RASGRF2: variants seen among roughly 807,000 people sequenced by gnomAD.
RASGRF2 encodes the protein Ras protein specific guanine nucleotide releasing factor 2.
Under a neutral mutation model 151.0 loss-of-function variants are expected in RASGRF2, and 76 were observed. The observed-to-expected ratio is 0.50, with a 90% CI of 0.42 to 0.61. RASGRF2 has a LOEUF of 0.61. RASGRF2 is among the 20% of genes least tolerant of loss of function. RASGRF2 has a pLI of 0.00. For synonymous variants in RASGRF2, 504 were observed against 566.5 expected, an observed-to-expected ratio of 0.89 and a Z score of 1.57; for missense variants, 1,148 against 1,564.6, an observed-to-expected ratio of 0.73 and a Z score of 4.49.
Position 81,217,339 on chromosome 5 carries a change from G to C in RASGRF2, c.3435-17G>C, listed in dbSNP as rs773664357. Reference sequence around the variant, plus strand: ...TTATTCAAATGAGTCTCAGAACAGTGCCTCTTGGTCTTGCAGTTGTAACCC... The same window carrying C: ...TTATTCAAATGAGTCTCAGAACAGTCCCTCTTGGTCTTGCAGTTGTAACCC... On this transcript the variant is annotated splice_polypyrimidine_tract_variant and intron_variant, in intron 24 of 26. Coordinates refer to ENST00000265080, the MANE Select transcript of RASGRF2 (RefSeq NM_006909.3). 17 of 1,589,228 alleles carry C rather than the reference G, an allele frequency of 1.1e-5. No individual in the cohort carries two copies. Among genetic ancestry groups the C allele is most frequent in the South Asian group, 1.2e-5 (1 of 85,956 alleles).
intron 18 of RASGRF2, 132 bp from the exon 19 acceptor site, chr5:81,201,198 G>A (rs1183507084): frequency 1.5e-6 from 2 of 1,342,148 alleles, no homozygotes; most frequent in African/African-American, 1.5e-5. Context: ...GGTGTGGCAG[G>A]GAACTCTAGG....
chr5:81,090,993 C>T (rs899924591), intron 9 of RASGRF2, among the ~76,000 whole-genome samples: 5 of 152,160 alleles, frequency 3.3e-5, no homozygotes, highest in Admixed American at 3.3e-4. Flanking sequence ...CCTGATGGCT[C>T]ATGGCCCCCA....
chr5:81,006,609 T>A (rs1313648338), intron 1 of RASGRF2, among the ~76,000 whole-genome samples: 1 of 152,148 alleles, frequency 6.6e-6, no homozygotes, highest in African/African-American at 2.4e-5. Flanking sequence ...TTATTCCCTT[T>A]GCTGGGGTTC....
At position 81,028,557 on chromosome 5, in the gene RASGRF2, G is replaced by A. The variant is rs114538591; in HGVS notation, c.289-14320G>A. Among the ~76,000 whole-genome samples the A allele has an allele frequency of 3.4e-3, 521 of 152,154 alleles. 4 individuals are homozygous for A. Among genetic ancestry groups the A allele is most frequent in the African/African-American group, 0.012 (506 of 41,534 alleles). On this transcript the variant is annotated intron_variant, in intron 1 of 26. Coordinates refer to ENST00000265080, the MANE Select transcript of RASGRF2 (RefSeq NM_006909.3). ...ATAAAGATATGGAAATAGCATCCAT[G>A]AAAAGGACAAGAAATTATAAAACAA...
At chr5:81,005,866 TCA>T (rs1749252151) in intron 1 of RASGRF2, among the ~76,000 whole-genome samples, 2 of 152,172 alleles carry the variant, frequency 1.3e-5, no homozygotes, top group Non-Finnish European at 2.9e-5. Flanking sequence ...GGGCATTAAG[TCA>T]GAGGTAGGAA....
chr5:81,148,351 T>C (rs563698828), intron 17 of RASGRF2, among the ~76,000 whole-genome samples: 2 of 152,316 alleles, frequency 1.3e-5, no homozygotes, highest in South Asian at 4.1e-4. Context: ...TGATTTTAAC[T>C]ACCAACCAGC....
At chr5:81,194,887 T>C (rs1289615263) in intron 18 of RASGRF2, among the ~76,000 whole-genome samples, 2 of 152,218 alleles carry the variant, frequency 1.3e-5, no homozygotes, top group Non-Finnish European at 2.9e-5. Context: ...GTAATTCTTT[T>C]TGAAGGAACA....
In RASGRF2 at chr5:81,095,463, C is replaced by T. The variant is rs551863979; in HGVS notation, c.1755+471C>T. ...AACCTGAAAATAAGCTCCTGTATTTCGTATATTAAAAAATTAGGGACAGAA... is the reference window on the plus strand; with the variant it reads ...AACCTGAAAATAAGCTCCTGTATTTTGTATATTAAAAAATTAGGGACAGAA... On this transcript the variant is annotated intron_variant, in intron 12 of 26. Transcript: ENST00000265080. Among the ~76,000 whole-genome samples, 4 of 148,210 alleles carry T rather than the reference C, an allele frequency of 2.7e-5. No individual in the cohort carries two copies. The East Asian group carries it at 5.8e-4, about 22-fold the overall frequency.
intron 17 of RASGRF2, among the ~76,000 whole-genome samples, chr5:81,157,718 C>T (rs937056775): frequency 6.6e-6 from 1 of 152,188 alleles, no homozygotes; most frequent in Admixed American, 6.5e-5. Flanking sequence ...TTTCACAGGG[C>T]AGCAGAAGAG....
chr5:81,208,277 C>T (rs1755553954), intron 21 of RASGRF2, 77 bp from the exon 22 acceptor site: 12 of 1,233,102 alleles, frequency 9.7e-6, no homozygotes, highest in Admixed American at 5.9e-5. Context: ...TTCTAATATT[C>T]GTGACAACTG....
rs748174641 is a variant in RASGRF2, at chr5:80,960,937, C to T, written c.199C>T (p.Leu67Phe). The T allele has an allele frequency of 3.2e-6, 5 of 1,586,950 alleles. No homozygotes were observed. The highest frequency in any genetic ancestry group is 2.3e-5 in the East Asian group (1 of 43,984). Residue 67 changes from leucine to phenylalanine, a missense_variant, in exon 1 of 27, where the codon CTC (leucine) becomes TTC (phenylalanine). Coordinates refer to ENST00000265080, the MANE Select transcript of RASGRF2 (RefSeq NM_006909.3). The surrounding 1 kb of genome is among the most constrained non-coding windows in gnomAD (Gnocchi z 5.5). ...GAGCTGCCGCCCGGCGGGCATGTAC[C>T]TCCTGGAGGGCTGCAGCTGCGAACG... ...EQSCRPAGMY[L>F]LEGCSCERTP...
At chr5:81,065,075 A>T (rs983847194) in intron 2 of RASGRF2, among the ~76,000 whole-genome samples, 1 of 152,136 alleles carries the variant, frequency 6.6e-6, no homozygotes, top group Non-Finnish European at 1.5e-5. Flanking sequence ...TGAACTTGGA[A>T]TAGGATTCTT....
intron 26 of RASGRF2, among the ~76,000 whole-genome samples, chr5:81,224,608 T>C (rs1290937330): frequency 6.6e-6 from 1 of 152,242 alleles, no homozygotes; most frequent in Non-Finnish European, 1.5e-5. Context: ...CATTTCTAAA[T>C]AATAGCCCCT....
At position 81,121,760 on chromosome 5, in the gene RASGRF2, C is replaced by A. The variant is rs138395636; in HGVS notation, c.2471-1882C>A. Among the ~76,000 whole-genome samples the A allele has an allele frequency of 1.7e-3, 255 of 152,254 alleles. 1 individual carries two copies. Among genetic ancestry groups the A allele is most frequent in the African/African-American group, 5.8e-3 (241 of 41,534 alleles). ...CCAGACTCAGATATCCAGATTCCAC[C>A]CAGTGATGGGTTCTCAACAAAAACC... is the stretch of plus-strand genomic sequence containing the variant. On this transcript the variant is annotated intron_variant, in intron 15 of 26. Coordinates refer to ENST00000265080, the MANE Select transcript of RASGRF2 (RefSeq NM_006909.3).
chr5:81,140,413 CACACACACACACACACACACACAG>C (rs1753856901), intron 17 of RASGRF2, among the ~76,000 whole-genome samples: 1 of 137,190 alleles, frequency 7.3e-6, no homozygotes, highest in African/African-American at 3.2e-5. Context: ...TATTTTTAAA[CACACACACACACACACACACACAG>C]ACACACACAT....
chr5:81,063,475 G>A (rs1376671070), intron 2 of RASGRF2, among the ~76,000 whole-genome samples: 1 of 152,114 alleles, frequency 6.6e-6, no homozygotes, highest in Non-Finnish European at 1.5e-5. Context: ...TCAAACTCAG[G>A]TGATCTGCCT....
chr5:81,215,012 G>A (rs951028423), intron 23 of RASGRF2, among the ~76,000 whole-genome samples: 2 of 152,154 alleles, frequency 1.3e-5, no homozygotes, highest in South Asian at 2.1e-4. Flanking sequence ...AGGGTTCATC[G>A]CAAAAGCTGT....
At chr5:80,981,861 T>C (rs1748313193) in intron 1 of RASGRF2, among the ~76,000 whole-genome samples, 1 of 152,220 alleles carries the variant, frequency 6.6e-6, no homozygotes, top group Non-Finnish European at 1.5e-5. Context: ...ACATTTCCTT[T>C]CTCATACTAA....
chr5:81,098,060 T>C (rs1182459420), intron 12 of RASGRF2, among the ~76,000 whole-genome samples: 2 of 152,188 alleles, frequency 1.3e-5, no homozygotes, highest in East Asian at 1.9e-4. Flanking sequence ...TAGGCCAGCA[T>C]GGCAGGAGTG....
Sources: allele counts gnomAD v4.1 joint callset (sites outside exome capture counted in the v4.1 genomes callset), GRCh38; gene constraint gnomAD v4.1.1; non-coding constraint Gnocchi (gnomAD v3.1); transcripts MANE v1.5; gene names NCBI Gene and HGNC (gene_info 2026-07-23, HGNC 2026-07-21).